The following PCDHA11 variants were observed in gnomAD, a reference collection of about 807,000 sequenced individuals.
PCDHA11 encodes the protein protocadherin alpha 11.
In PCDHA11, 61 loss-of-function variants were observed where a neutral mutation model predicts 70.3. The observed-to-expected ratio is 0.87, with a 90% confidence interval of 0.71 to 1.07. PCDHA11 has a LOEUF of 1.07. Among genes scored for constraint, PCDHA11 ranks in the 50% least tolerant of loss-of-function variants. PCDHA11 has a pLI of 0.00. For missense variants in PCDHA11, 1,324 were observed against 1,237.5 expected (o/e 1.07, Z -1.05); for synonymous variants, 633 against 555.1 (o/e 1.14, Z -1.97).
intron 3 of PCDHA11, among the ~76,000 whole-genome samples, chr5:141,000,001 T>C (rs2097888294): frequency 6.6e-6 from 1 of 152,030 alleles, no homozygotes; most frequent in African/African-American, 2.4e-5. Flanking sequence ...TGGTATTAGA[T>C]TGGCCTCCCC....
intron 1 of PCDHA11, among the ~76,000 whole-genome samples, chr5:140,899,774 C>T (rs966615256): frequency 3.9e-5 from 6 of 152,122 alleles, no homozygotes; most frequent in African/African-American, 1.4e-4. Context: ...CCTCCTTTTA[C>T]CTCTGGTATA....
chr5:140,971,509 A>C (rs1369392741), intron 1 of PCDHA11, among the ~76,000 whole-genome samples: 4 of 152,112 alleles, frequency 2.6e-5, no homozygotes, highest in Admixed American at 2.0e-4. Flanking sequence ...ATAGGAGCAA[A>C]AGCCACTCAG....
intron 1 of PCDHA11, chr5:140,926,959 G>A: frequency 6.2e-7 from 1 of 1,604,022 alleles, no homozygotes; most frequent in Non-Finnish European, 8.5e-7. Context: ...GGGACAGCTC[G>A]AGTACTCAGT....
rs568167153 is a variant in PCDHA11, at chr5:140,870,813, C to T, written c.1710C>T (p.Gly570=). 1.2e-6 allele frequency: 2 copies of T among 1,613,702 alleles called. No homozygotes were observed. Among genetic ancestry groups the T allele is most frequent in the South Asian group, 1.1e-5 (1 of 91,068 alleles). The part of the protein sequence containing the change: ...NAPALLATQA[G]SAGGAVNKLV... ...CGGCACTGCTGGCGACTCAGGCTGG[C>T]AGCGCGGGAGGCGCAGTTAACAAGC... The change falls in exon 1 of 4, where the codon GGC becomes GGT. Residue 570 remains glycine (G), a synonymous_variant. Coordinates refer to ENST00000398640, the MANE Select transcript of PCDHA11 (RefSeq NM_018902.5).
chr5:141,002,873 G>C (rs780574639), intron 3 of PCDHA11, among the ~76,000 whole-genome samples: 44 of 152,148 alleles, frequency 2.9e-4, no homozygotes, highest in Admixed American at 2.6e-4. Context: ...AAGTCCTCAA[G>C]AACAGAAAGA....
In PCDHA11 at chr5:141,010,283, C is replaced by T. The variant is rs1554262872; in HGVS notation, c.*346C>T. ...TGCTCCGGGGATCCTGTCTTGATGACACTTGCAGGGCAGGCTGAAAAGTTT... is the reference window on the plus strand; with the variant it reads ...TGCTCCGGGGATCCTGTCTTGATGATACTTGCAGGGCAGGCTGAAAAGTTT... On this transcript the variant is annotated 3_prime_UTR_variant, in exon 4 of 4. Transcript: ENST00000398640. 6.4e-7 allele frequency: 1 copy of T among 1,551,220 alleles called. No individual in the cohort carries two copies. The highest frequency in any genetic ancestry group is 1.4e-5 in the African/African-American group (1 of 73,110).
chr5:140,870,789 G>T lies in PCDHA11; in HGVS notation c.1686G>T (p.Pro562=), dbSNP rs1554164716. The T allele has an allele frequency of 1.2e-6, 2 of 1,613,512 alleles. No homozygotes were observed. The highest frequency in any genetic ancestry group is 2.2e-5 in the East Asian group (1 of 44,884). Reference sequence around the variant, plus strand: ...TGCTGGACGAGAACGACAACGCGCCGGCACTGCTGGCGACTCAGGCTGGCA... The same window carrying T: ...TGCTGGACGAGAACGACAACGCGCCTGCACTGCTGGCGACTCAGGCTGGCA... ...VFVLDENDNA[P]ALLATQAGSA... is the part of the protein sequence containing the mutation. The change falls in exon 1 of 4, where the codon CCG becomes CCT. Residue 562 remains proline, a synonymous_variant. Transcript: ENST00000398640.
At chr5:140,992,862 G>A (rs2097531583) in intron 3 of PCDHA11, among the ~76,000 whole-genome samples, 2 of 152,084 alleles carry the variant, frequency 1.3e-5, no homozygotes, top group Non-Finnish European at 2.9e-5. Context: ...TTTCACTCTA[G>A]CTCCCTCCTT....
At chr5:140,900,073 G>T (rs1490261769) in intron 1 of PCDHA11, among the ~76,000 whole-genome samples, 1 of 152,072 alleles carries the variant, frequency 6.6e-6, no homozygotes, top group African/African-American at 2.4e-5. Flanking sequence ...GCCTCCAAAA[G>T]TGCTGCAGTT....
Position 140,870,381 on chromosome 5 carries a change from G to T in PCDHA11, c.1278G>T (p.Ala426=). Residue 426 remains alanine (A), a synonymous_variant, in exon 1 of 4, where the codon GCG becomes GCT. Transcript: ENST00000398640. ...GGGCCTATGAACTGGTGGTGACTGCGCGGGATGGGGGTTCGCCTTCTCTGT... is the reference window on the plus strand; with the variant it reads ...GGGCCTATGAACTGGTGGTGACTGCTCGGGATGGGGGTTCGCCTTCTCTGT... ...NVWAYELVVT[A]RDGGSPSLWA... is the part of the protein sequence containing the mutation. 1 of 1,614,214 alleles carries T rather than the reference G, an allele frequency of 6.2e-7. No homozygotes were observed. The highest frequency in any genetic ancestry group is 1.3e-5 in the African/African-American group (1 of 75,062).
chr5:140,874,545 A>G (rs1362898895), intron 1 of PCDHA11, among the ~76,000 whole-genome samples: 1 of 152,240 alleles, frequency 6.6e-6, no homozygotes, highest in Non-Finnish European at 1.5e-5. Context: ...AAAACCCTTT[A>G]AGAGATCTTT....
At chr5:140,882,511 T>C (rs782672669) in intron 1 of PCDHA11, 2 of 1,614,128 alleles carry the variant, frequency 1.2e-6, no homozygotes, top group Admixed American at 3.3e-5. Flanking sequence ...ATCTGCAGAA[T>C]GGCATTTTGT....
intron 1 of PCDHA11, among the ~76,000 whole-genome samples, chr5:140,881,178 G>A (rs924852150): frequency 2.0e-5 from 3 of 152,098 alleles, no homozygotes; most frequent in African/African-American, 7.2e-5. Flanking sequence ...TCTTTTCCTT[G>A]CTAAAGATAT....
chr5:140,937,933 A>C (rs1452935525), intron 1 of PCDHA11, among the ~76,000 whole-genome samples: 1 of 151,854 alleles, frequency 6.6e-6, no homozygotes, highest in Non-Finnish European at 1.5e-5. Flanking sequence ...AAAAAGTTTA[A>C]TTTGATAATT....
chr5:140,935,957 A>G (rs1427987096), intron 1 of PCDHA11, among the ~76,000 whole-genome samples: 5 of 150,604 alleles, frequency 3.3e-5, no homozygotes, highest in African/African-American at 1.2e-4. Context: ...AAGTGGTACA[A>G]TCTTGGCTCA....
In PCDHA11 at chr5:140,985,515, T is replaced by G. The variant is rs529024123; in HGVS notation, c.2539+2952T>G. The stretch of plus-strand genomic sequence containing the variant: ...AGAGCCTGCCTTTCATTGATTCTGT[T>G]GCCCTTAAAGCTTCACGGTGAAGAT... On this transcript the variant is annotated intron_variant, in intron 3 of 3. Transcript: ENST00000398640. Among the ~76,000 whole-genome samples, 8 of 152,284 alleles carry G rather than the reference T, an allele frequency of 5.3e-5. No individual in the cohort carries two copies. In the South Asian group the frequency reaches 1.7e-3, roughly 32 times the overall value.
intron 1 of PCDHA11, among the ~76,000 whole-genome samples, chr5:140,943,373 A>G (rs1554215633): frequency 6.6e-6 from 1 of 152,128 alleles, no homozygotes; most frequent in East Asian, 1.9e-4. Flanking sequence ...TCATTAAAAT[A>G]TACAGGTAAG....
At chr5:140,943,050 A>G (rs1450755005) in intron 1 of PCDHA11, among the ~76,000 whole-genome samples, 1 of 152,044 alleles carries the variant, frequency 6.6e-6, no homozygotes, top group African/African-American at 2.4e-5. Flanking sequence ...TGAGGTCAGG[A>G]GTTCAAGAAC....
chr5:140,925,641 TATAATAATAATAATAATA>T (rs10569930), intron 1 of PCDHA11, among the ~76,000 whole-genome samples: 1 of 143,358 alleles, frequency 7.0e-6, no homozygotes, highest in African/African-American at 2.5e-5. Context: ...GAACTTAAAG[TATAATAATAATAATAATA>T]ATAATAATAA....
Sources: allele counts gnomAD v4.1 joint callset (sites outside exome capture counted in the v4.1 genomes callset), GRCh38; gene constraint gnomAD v4.1.1; transcripts MANE v1.5; gene names NCBI Gene and HGNC (gene_info 2026-07-23, HGNC 2026-07-21).